Variants in TFPI observed in about 807,000 individuals in gnomAD.
The protein encoded by TFPI is anti-convertin.
Under a neutral mutation model 34.6 loss-of-function variants are expected in TFPI, and 15 were observed. The observed-to-expected ratio is 0.43, with a 90% confidence interval of 0.29 to 0.67. The LOEUF is 0.67. Ranked by LOEUF, TFPI falls within the 30% of genes least tolerant of loss-of-function variation. TFPI has a pLI of 0.15. For missense variants in TFPI, 301 were observed against 364.0 expected (o/e 0.83, Z 1.41); for synonymous variants, 105 against 120.1 (o/e 0.87, Z 0.82).
chr2:187,467,953 A>G (rs775915208), intron 6 of TFPI, 21 bp from the exon 7 acceptor site: 1 of 1,552,560 alleles, frequency 6.4e-7, no homozygotes, highest in Non-Finnish European at 8.7e-7. Context: ...TCAGGAAAAC[A>G]TGGTAAGCCA....
chr2:187,491,859 ATC>A (rs1331682936), intron 3 of TFPI, among the ~76,000 whole-genome samples: 1 of 151,996 alleles, frequency 6.6e-6, no homozygotes, highest in Non-Finnish European at 1.5e-5. Context: ...AATCTTCAAC[ATC>A]TGTTATTTTT....
intron 6 of TFPI, among the ~76,000 whole-genome samples, chr2:187,470,532 G>A (rs1301659247): frequency 2.6e-5 from 4 of 152,178 alleles, no homozygotes. Flanking sequence ...AACCATTTGG[G>A]CCTTTCCATT....
In TFPI at chr2:187,536,502, C is replaced by T. The variant is rs202131146; in HGVS notation, c.-3+17698G>A. Among the ~76,000 whole-genome samples the T allele has an allele frequency of 2.0e-4, 30 of 152,252 alleles. No individual in the cohort carries two copies. The East Asian group carries it at 5.2e-3, about 26-fold the overall frequency. ...CAAAAACCACATGATTATCTCAATA[C>T]ATGCAGAAGAGGCCTTTGATAAAAT... On this transcript the variant is annotated intron_variant, in intron 1 of 7. Transcript: ENST00000233156.
At chr2:187,505,579 T>C (rs1375057625) in intron 1 of TFPI, among the ~76,000 whole-genome samples, 4 of 152,192 alleles carry the variant, frequency 2.6e-5, no homozygotes, top group African/African-American at 9.7e-5. Flanking sequence ...CATAGCATGA[T>C]GCATGAACAA....
At chr2:187,519,719 A>G (rs1230558137) in intron 1 of TFPI, 1 of 152,298 alleles carries the variant, frequency 6.6e-6, no homozygotes, top group African/African-American at 2.4e-5. Context: ...AGGCAGGTAC[A>G]TTTAAGTCTG....
chr2:187,478,800 G>A, intron 6 of TFPI: 1 of 1,611,816 alleles, frequency 6.2e-7, no homozygotes, highest in Non-Finnish European at 8.5e-7. Flanking sequence ...TCCTTCTTTT[G>A]TAACTGTGGA....
chr2:187,551,842 A>C (rs991223079), intron 1 of TFPI, among the ~76,000 whole-genome samples: 1 of 152,158 alleles, frequency 6.6e-6, no homozygotes, highest in African/African-American at 2.4e-5. Context: ...TTTGTGTTTT[A>C]AAAAGGCAGC....
chr2:187,483,014 A>G (rs1414820362), intron 6 of TFPI, among the ~76,000 whole-genome samples: 1 of 152,002 alleles, frequency 6.6e-6, no homozygotes. Flanking sequence ...TGCTGAAGCA[A>G]GACCCACAAA....
In TFPI at chr2:187,488,373, T is replaced by G. The variant is rs770804965; in HGVS notation, c.322A>C (p.Asn108His). 2.6e-6 allele frequency: 4 copies of G among 1,550,474 alleles called. No homozygotes were observed. The highest frequency in any genetic ancestry group is 3.5e-6 in the Non-Finnish European group (4 of 1,152,598). The change falls in exon 4 of 8, where the codon AAT (asparagine) becomes CAT (histidine). Residue 108 changes from asparagine (N) to histidine (H), a missense_variant and splice_region_variant. Physicochemically the swap from Asn to His is moderately conservative, Grantham distance 68 (BLOSUM62 1). Transcript: ENST00000233156. ...GTTGTCTTTATAATCCTGTTTGCATTATCTGTAATCAAAAGAATATATGCA... is the reference window on the plus strand; with the variant it reads ...GTTGTCTTTATAATCCTGTTTGCATGATCTGTAATCAAAAGAATATATGCA... Reference protein sequence around the residue: ...EECKKMCTRDNANRIIKTTLQ... With the variant: ...EECKKMCTRDHANRIIKTTLQ...
At chr2:187,518,951 G>A (rs1687188243) in intron 1 of TFPI, 1 of 151,990 alleles carries the variant, frequency 6.6e-6, no homozygotes, top group Non-Finnish European at 1.5e-5. Flanking sequence ...TGATACTTGT[G>A]TATGCTTCAC....
At chr2:187,505,800 A>G (rs991453699) in intron 1 of TFPI, among the ~76,000 whole-genome samples, 1 of 152,100 alleles carries the variant, frequency 6.6e-6, no homozygotes, top group African/African-American at 2.4e-5. Context: ...GGTCAGGAAT[A>G]AGAAAATGTA....
rs1288621467 is a variant in TFPI at position 187,473,832 on chromosome 2, G to A, written c.629-5900C>T. 1.9e-4 allele frequency among the ~76,000 whole-genome samples: 28 copies of A among 151,110 alleles called. 2 individuals are homozygous for A. In the South Asian group the frequency reaches 5.0e-3, roughly 27 times the overall value. On this transcript the variant is annotated intron_variant, in intron 6 of 7. Coordinates refer to ENST00000233156, the MANE Select transcript of TFPI (RefSeq NM_006287.6). ...TTTTTTCCCCCCGCATGTGTATACT[G>A]GGCCACTTACCTGAGGATAAAGTAT...
intron 3 of TFPI, among the ~76,000 whole-genome samples, chr2:187,489,602 A>G (rs2106041299): frequency 6.6e-6 from 1 of 151,732 alleles, no homozygotes; most frequent in East Asian, 1.9e-4. Flanking sequence ...AGACTAGAAC[A>G]CTAAGCAATT....
intron 6 of TFPI, among the ~76,000 whole-genome samples, chr2:187,473,158 A>G (rs1221034707): frequency 6.6e-6 from 1 of 152,236 alleles, no homozygotes; most frequent in Non-Finnish European, 1.5e-5. Flanking sequence ...ACCAACACAC[A>G]ATACATACAT....
chr2:187,492,541 C>T (rs992790283), intron 3 of TFPI, among the ~76,000 whole-genome samples: 2 of 152,136 alleles, frequency 1.3e-5, no homozygotes, highest in Non-Finnish European at 2.9e-5. Flanking sequence ...GTGTTACAAC[C>T]AGGAGGGAGG....
rs1472559935 is a variant in TFPI at position 187,498,547 on chromosome 2, T to C, written c.122-1469A>G. The stretch of plus-strand genomic sequence containing the variant: ...AAAGATACAGCTTTCTATACATAAG[T>C]TGGCATTTTCATGCTGTTTGATTCA... On this transcript the variant is annotated intron_variant, in intron 2 of 7. Transcript: ENST00000233156. Among the ~76,000 whole-genome samples the C allele has an allele frequency of 3.9e-5, 6 of 151,998 alleles. No individual in the cohort carries two copies. The East Asian group carries it at 9.6e-4, about 24-fold the overall frequency.
chr2:187,473,132 A>G (rs1692158089), intron 6 of TFPI, among the ~76,000 whole-genome samples: 1 of 151,832 alleles, frequency 6.6e-6, no homozygotes, highest in African/African-American at 2.4e-5. Flanking sequence ...AGAAAATATA[A>G]TAATTTATAT....
At chr2:187,552,588 A>G (rs1305900872) in intron 1 of TFPI, among the ~76,000 whole-genome samples, 1 of 152,104 alleles carries the variant, frequency 6.6e-6, no homozygotes, top group Non-Finnish European at 1.5e-5. Flanking sequence ...ACAATCAGTC[A>G]GACCATCAAA....
intron 1 of TFPI, 58 bp from the exon 2 acceptor site, chr2:187,503,828 C>A: frequency 6.3e-7 from 1 of 1,583,016 alleles, no homozygotes; most frequent in Non-Finnish European, 8.6e-7. Context: ...CACTCATTTA[C>A]AGACTAGTAA....
Sources: gnomAD v4.1 joint callset for allele counts (sites outside exome capture counted in the v4.1 genomes callset) on GRCh38, gnomAD v4.1.1 for gene constraint, MANE v1.5 for transcripts, NCBI Gene and HGNC (gene_info 2026-07-23, HGNC 2026-07-21) for gene names.